The following MAMDC2 variants were observed in gnomAD, a reference collection of about 807,000 sequenced individuals.
MAMDC2 encodes the protein MAM domain-containing protein 2.
Under a neutral mutation model 89.8 loss-of-function variants are expected in MAMDC2, and 57 were observed. The ratio of observed to expected loss-of-function variants is 0.63; its 90% CI spans 0.51 to 0.79. MAMDC2 has a LOEUF of 0.79. Ranked by LOEUF, MAMDC2 falls within the 30% of genes least tolerant of loss-of-function variation. The probability of loss-of-function intolerance (pLI) is 0.00; values close to 1 mark genes in which losing one functional copy is unlikely to be tolerated. For missense variants in MAMDC2, 800 were observed against 820.6 expected (o/e 0.97, Z 0.31); for synonymous variants, 313 against 293.4 (o/e 1.07, Z -0.68).
At chr9:70,154,829 T>G (rs2031700820) in intron 9 of MAMDC2, among the ~76,000 whole-genome samples, 2 of 152,126 alleles carry the variant, frequency 1.3e-5, no homozygotes, top group African/African-American at 4.8e-5. Flanking sequence ...GAACTTTTTA[T>G]GATGGTATTT....
At chr9:70,095,740 G>A (rs1828014054) in intron 2 of MAMDC2, among the ~76,000 whole-genome samples, 1 of 152,228 alleles carries the variant, frequency 6.6e-6, no homozygotes, top group Non-Finnish European at 1.5e-5. Flanking sequence ...GGAGAAGTCA[G>A]TTAAGTAATT....
intron 9 of MAMDC2, among the ~76,000 whole-genome samples, chr9:70,166,547 T>A (rs10868646): frequency 1.1e-4 from 17 of 151,852 alleles, no homozygotes; most frequent in Non-Finnish European, 2.5e-4. Context: ...TTCTGTACTA[T>A]GAAATAATAT....
chr9:70,123,258 G>C (rs949550784), intron 5 of MAMDC2, among the ~76,000 whole-genome samples: 3 of 152,158 alleles, frequency 2.0e-5, no homozygotes, highest in Non-Finnish European at 4.4e-5. Flanking sequence ...TGAGTTCTTA[G>C]AGAACAGAAG....
At chr9:70,124,864 C>A (rs2030459224) in intron 5 of MAMDC2, among the ~76,000 whole-genome samples, 1 of 152,112 alleles carries the variant, frequency 6.6e-6, no homozygotes, top group Non-Finnish European at 1.5e-5. Context: ...TGCTACCATG[C>A]CCAGCTAATT....
At chr9:70,121,507 A>G (rs1250320626) in intron 5 of MAMDC2, among the ~76,000 whole-genome samples, 1 of 152,184 alleles carries the variant, frequency 6.6e-6, no homozygotes, top group Non-Finnish European at 1.5e-5. Context: ...CAGATTGTAG[A>G]GGAATGGCAA....
At chr9:70,216,684 G>A (rs1223520819) in intron 11 of MAMDC2, among the ~76,000 whole-genome samples, 2 of 152,180 alleles carry the variant, frequency 1.3e-5, no homozygotes, top group Non-Finnish European at 2.9e-5. Context: ...AATAGAGGCA[G>A]TCTAAACTTT....
chr9:70,224,029 T>TTC (rs2033608141), intron 12 of MAMDC2, among the ~76,000 whole-genome samples: 1 of 152,162 alleles, frequency 6.6e-6, no homozygotes, highest in Admixed American at 6.5e-5. Context: ...TATTACTCTT[T>TTC]TCATTACAGA....
intron 9 of MAMDC2, among the ~76,000 whole-genome samples, chr9:70,152,497 C>T (rs760593047): frequency 1.3e-5 from 2 of 152,238 alleles, no homozygotes; most frequent in Non-Finnish European, 2.9e-5. Context: ...CAGCATTACA[C>T]AGCTATTAAG....
chr9:70,101,668 T>C (rs2997705), intron 2 of MAMDC2, among the ~76,000 whole-genome samples: 9,742 of 152,282 alleles, frequency 0.064, 988 homozygotes, highest in African/African-American at 0.21. Flanking sequence ...ATAGGCTGTC[T>C]CATATAGCTT....
intron 11 of MAMDC2, among the ~76,000 whole-genome samples, chr9:70,208,478 G>C (rs1208736899): frequency 6.6e-6 from 1 of 152,174 alleles, no homozygotes; most frequent in Non-Finnish European, 1.5e-5. Flanking sequence ...TTTGCACATT[G>C]ATTTTGTATC....
intron 11 of MAMDC2, among the ~76,000 whole-genome samples, chr9:70,209,381 T>G (rs1393011766): frequency 2.6e-5 from 4 of 152,320 alleles, no homozygotes; most frequent in Non-Finnish European, 4.4e-5. Flanking sequence ...GTTGAGGAAT[T>G]TATCCATTTC....
chr9:70,059,670 C>A (rs1410880757), intron 2 of MAMDC2, among the ~76,000 whole-genome samples: 1 of 152,194 alleles, frequency 6.6e-6, no homozygotes, highest in Admixed American at 6.5e-5. Context: ...TCTGCTACAA[C>A]ATTCAGTTCT....
intron 2 of MAMDC2, among the ~76,000 whole-genome samples, chr9:70,085,267 C>T (rs993584167): frequency 1.3e-5 from 2 of 152,018 alleles, no homozygotes; most frequent in Non-Finnish European, 2.9e-5. Flanking sequence ...AGACACCGTC[C>T]CTAGAGTTTT....
At chr9:70,133,291 C>T (rs1423490262) in intron 7 of MAMDC2, among the ~76,000 whole-genome samples, 2 of 152,064 alleles carry the variant, frequency 1.3e-5, no homozygotes, top group Non-Finnish European at 2.9e-5. Context: ...GAATCACCCA[C>T]AAGTAATGTT....
At chr9:70,115,667 G>T (rs1587484908) in intron 5 of MAMDC2, among the ~76,000 whole-genome samples, 1 of 152,106 alleles carries the variant, frequency 6.6e-6, no homozygotes, top group African/African-American at 2.4e-5. Context: ...GTTTTTCTAC[G>T]GATAGCCCAT....
At chr9:70,195,909 A>AC (rs2032966241) in intron 11 of MAMDC2, among the ~76,000 whole-genome samples, 1 of 152,098 alleles carries the variant, frequency 6.6e-6, no homozygotes, top group South Asian at 2.1e-4. Flanking sequence ...TAACAATGCA[A>AC]CCTTCTGTAT....
chr9:70,197,226 A>G (rs2032989424), intron 11 of MAMDC2, among the ~76,000 whole-genome samples: 1 of 152,142 alleles, frequency 6.6e-6, no homozygotes, highest in Admixed American at 6.6e-5. Context: ...CAGATGCAAT[A>G]ACATTCATCA....
intron 9 of MAMDC2, 150 bp downstream of exon 9, chr9:70,143,969 C>A: frequency 1.1e-6 from 1 of 876,266 alleles, no homozygotes; most frequent in Non-Finnish European, 1.8e-6. Flanking sequence ...CAGCCACATA[C>A]AGGTTAATCC....
intron 2 of MAMDC2, among the ~76,000 whole-genome samples, chr9:70,046,974 C>T (rs1401871344): frequency 6.6e-6 from 1 of 152,172 alleles, no homozygotes; most frequent in Non-Finnish European, 1.5e-5. Flanking sequence ...GAAGACATCG[C>T]TAAGAATTTC....
Sources: gnomAD v4.1 joint callset for allele counts (sites outside exome capture counted in the v4.1 genomes callset) on GRCh38, gnomAD v4.1.1 for gene constraint, MANE v1.5 for transcripts, NCBI Gene and HGNC (gene_info 2026-07-23, HGNC 2026-07-21) for gene names.